Variants in PKIB observed in about 807,000 individuals in gnomAD.
PKIB encodes PKI-beta.
In PKIB, 2 loss-of-function variants were observed where a neutral mutation model predicts 4.5. That is an observed-to-expected ratio of 0.44 (90% CI 0.18 to 1.39). PKIB has a LOEUF of 1.39. PKIB is among the 40% of genes most tolerant of loss of function. PKIB has a pLI of 0.27. For missense variants in PKIB, 94 were observed against 92.6 expected (o/e 1.02, Z -0.06); for synonymous variants, 38 against 36.0 (o/e 1.06, Z -0.20).
At chr6:122,664,132 C>T (rs13205342) in intron 2 of PKIB, among the ~76,000 whole-genome samples, 7,970 of 152,272 alleles carry the variant, frequency 0.052, 239 homozygotes, top group East Asian at 0.13. Flanking sequence ...GTACCAACAA[C>T]TGACAAAATC....
intron 2 of PKIB, among the ~76,000 whole-genome samples, chr6:122,572,753 C>T (rs990195749): frequency 6.6e-6 from 1 of 150,856 alleles, no homozygotes; most frequent in African/African-American, 2.4e-5. Context: ...GAAGAGAGAA[C>T]ATTCAAATAA....
chr6:122,507,795 C>A (rs1240408345), intron 2 of PKIB, among the ~76,000 whole-genome samples: 2 of 150,986 alleles, frequency 1.3e-5, no homozygotes, highest in Non-Finnish European at 2.9e-5. Context: ...ATAACTTTTC[C>A]TCTTTTTTAG....
chr6:122,617,763 C>G (rs1003894688), intron 1 of PKIB, among the ~76,000 whole-genome samples: 2 of 152,016 alleles, frequency 1.3e-5, no homozygotes, highest in African/African-American at 2.4e-5. Context: ...CTAAGTATAT[C>G]TAGAATTATT....
At chr6:122,713,806 T>G (rs1344570634) in intron 3 of PKIB, among the ~76,000 whole-genome samples, 1 of 152,216 alleles carries the variant, frequency 6.6e-6, no homozygotes, top group Non-Finnish European at 1.5e-5. Flanking sequence ...AAAAGGTTAA[T>G]ATTTTCCTTG....
intron 1 of PKIB, among the ~76,000 whole-genome samples, chr6:122,611,530 T>C (rs1281640016): frequency 6.6e-6 from 1 of 152,148 alleles, no homozygotes; most frequent in African/African-American, 2.4e-5. Context: ...AAAAAAAATT[T>C]TAAAAAAACT....
chr6:122,690,095 C>T (rs1338002517), intron 3 of PKIB, among the ~76,000 whole-genome samples: 5 of 151,810 alleles, frequency 3.3e-5, no homozygotes, highest in African/African-American at 1.2e-4. Flanking sequence ...CTTCCATTAG[C>T]ATGGAATATC....
At chr6:122,488,734 T>C (rs897936227) in intron 2 of PKIB, among the ~76,000 whole-genome samples, 9 of 152,204 alleles carry the variant, frequency 5.9e-5, no homozygotes, top group African/African-American at 2.2e-4. Context: ...GAAACCAACA[T>C]TGGAGCACTA....
chr6:122,691,355 A>G (rs778784689), intron 3 of PKIB, among the ~76,000 whole-genome samples: 26 of 152,022 alleles, frequency 1.7e-4, no homozygotes, highest in South Asian at 4.1e-4. Flanking sequence ...TAGATCTTGT[A>G]TGAGTGCTTT....
At chr6:122,724,319 G>A (rs1779858849) in intron 4 of PKIB, among the ~76,000 whole-genome samples, 1 of 152,130 alleles carries the variant, frequency 6.6e-6, no homozygotes, top group South Asian at 2.1e-4. Context: ...GATAGGATGG[G>A]GGATCATGAA....
chr6:122,642,187 A>T (rs2114851763), intron 2 of PKIB, among the ~76,000 whole-genome samples: 1 of 152,370 alleles, frequency 6.6e-6, no homozygotes, highest in Admixed American at 6.5e-5. Flanking sequence ...GAGCTCTTTG[A>T]ACCTCTTTCA....
At chr6:122,482,016 T>C (rs1468507001) in intron 2 of PKIB, 2 of 148,912 alleles carry the variant, frequency 1.3e-5, no homozygotes, top group Non-Finnish European at 3.0e-5. Context: ...TGGAATGCAG[T>C]GGCGCGATCT....
intron 3 of PKIB, among the ~76,000 whole-genome samples, chr6:122,681,449 C>T (rs1351692738): frequency 6.6e-6 from 1 of 152,108 alleles, no homozygotes; most frequent in African/African-American, 2.4e-5. Context: ...GAGTTTTGCT[C>T]ATATACAATA....
At chr6:122,577,788 A>G (rs1773590173) in intron 2 of PKIB, among the ~76,000 whole-genome samples, 1 of 151,860 alleles carries the variant, frequency 6.6e-6, no homozygotes, top group East Asian at 1.9e-4. Context: ...GGCCGCCTGT[A>G]GTCCCAGATA....
At chr6:122,517,773 C>T (rs1776807307) in intron 2 of PKIB, among the ~76,000 whole-genome samples, 1 of 152,112 alleles carries the variant, frequency 6.6e-6, no homozygotes, top group Non-Finnish European at 1.5e-5. Context: ...TTACAAAATA[C>T]AGTAATTCTT....
intron 2 of PKIB, among the ~76,000 whole-genome samples, chr6:122,547,757 T>C (rs1562247233): frequency 6.6e-6 from 1 of 152,212 alleles, no homozygotes; most frequent in Non-Finnish European, 1.5e-5. Context: ...ACACGAACCA[T>C]ATGCACAGCA....
chr6:122,669,686 C>T (rs1777376553), intron 2 of PKIB, among the ~76,000 whole-genome samples: 1 of 152,080 alleles, frequency 6.6e-6, no homozygotes, highest in African/African-American at 2.4e-5. Context: ...TGGCTGTTTT[C>T]CACCATCTGA....
At chr6:122,674,032 G>A (rs1017845223) in intron 2 of PKIB, among the ~76,000 whole-genome samples, 2 of 152,158 alleles carry the variant, frequency 1.3e-5, no homozygotes, top group South Asian at 4.1e-4. Context: ...TCAGCCACAG[G>A]GGTGACAGAA....
chr6:122,679,922 T>C (rs1042346834), intron 3 of PKIB, among the ~76,000 whole-genome samples: 9 of 152,158 alleles, frequency 5.9e-5, no homozygotes, highest in African/African-American at 1.9e-4. Context: ...CCTTAGATAA[T>C]AGGTAGAGGA....
intron 2 of PKIB, among the ~76,000 whole-genome samples, chr6:122,649,221 TGACC>T (rs1776449008): frequency 6.6e-6 from 1 of 152,208 alleles, no homozygotes; most frequent in South Asian, 2.1e-4. Context: ...TCCAAACTGT[TGACC>T]ACAGCCCATC....
Sources: allele counts gnomAD v4.1 joint callset (sites outside exome capture counted in the v4.1 genomes callset), GRCh38; gene constraint gnomAD v4.1.1; transcripts MANE v1.5; gene names NCBI Gene and HGNC (gene_info 2026-07-23, HGNC 2026-07-21).